DLGAP5: variants seen among roughly 807,000 people sequenced by gnomAD.
DLGAP5 encodes the protein disks large-associated protein 5.
In DLGAP5, 90 loss-of-function variants were observed where a neutral mutation model predicts 99.6. That is an observed-to-expected ratio of 0.90 (90% CI 0.76 to 1.08). The LOEUF is 1.08. Ranked by LOEUF, DLGAP5 falls within the 50% of genes least tolerant of loss-of-function variation. The probability of loss-of-function intolerance (pLI) is 0.00; values close to 1 mark genes in which losing one functional copy is unlikely to be tolerated. For synonymous variants in DLGAP5, 311 were observed against 321.3 expected, an observed-to-expected ratio of 0.97 and a Z score of 0.34; for missense variants, 1,036 against 983.5, an observed-to-expected ratio of 1.05 and a Z score of -0.71.
chr14:55,149,818 G>T (rs187256524), intron 18 of DLGAP5, among the ~76,000 whole-genome samples: 11 of 28,602 alleles, frequency 3.8e-4, no homozygotes, highest in East Asian at 1.7e-3. Context: ...ATCGGGGCGG[G>T]GGGGGGGCAT....
At chr14:55,151,300 T>C (rs546121173) in intron 17 of DLGAP5, among the ~76,000 whole-genome samples, 1 of 152,070 alleles carries the variant, frequency 6.6e-6, no homozygotes, top group Admixed American at 6.6e-5. Context: ...AAAAATAGGA[T>C]ATTTTGAAGA....
chr14:55,164,129 C>T (rs897259558), intron 12 of DLGAP5, among the ~76,000 whole-genome samples: 1 of 152,112 alleles, frequency 6.6e-6, no homozygotes, highest in African/African-American at 2.4e-5. Flanking sequence ...AGTCTCCATG[C>T]TATGCACTTA....
At chr14:55,154,913 T>C (rs1882154625) in intron 14 of DLGAP5, 107 bp from the exon 15 acceptor site, 3 of 943,890 alleles carry the variant, frequency 3.2e-6, no homozygotes, top group Non-Finnish European at 3.1e-6. Context: ...TCCTGTCAAA[T>C]AATGTCTGTT....
intron 15 of DLGAP5, among the ~76,000 whole-genome samples, chr14:55,153,842 G>A (rs1052060340): frequency 3.1e-4 from 47 of 152,104 alleles, no homozygotes; most frequent in African/African-American, 1.1e-3. Context: ...CAGATCATGA[G>A]GTCAAGAGAT....
chr14:55,186,592 GTTTA>G (rs909024411), intron 2 of DLGAP5, among the ~76,000 whole-genome samples: 15 of 101,394 alleles, frequency 1.5e-4, no homozygotes, highest in African/African-American at 1.0e-3. Context: ...AGCTGTATTT[GTTTA>G]TTTACTCATT....
chr14:55,159,608 G>GTA (rs1406583946), intron 13 of DLGAP5, among the ~76,000 whole-genome samples: 2 of 152,164 alleles, frequency 1.3e-5, no homozygotes, highest in East Asian at 3.8e-4. Context: ...TGGTGGGATG[G>GTA]TAACAGCATT....
chr14:55,176,224 A>T (rs1883057896), intron 8 of DLGAP5, among the ~76,000 whole-genome samples: 1 of 152,222 alleles, frequency 6.6e-6, no homozygotes, highest in Non-Finnish European at 1.5e-5. Flanking sequence ...AGATTCAAAG[A>T]TTTTGAAGAT....
chr14:55,171,015 A>G (rs1882840622), intron 10 of DLGAP5, among the ~76,000 whole-genome samples: 1 of 152,204 alleles, frequency 6.6e-6, no homozygotes, highest in African/African-American at 2.4e-5. Flanking sequence ...ATGTGGCTGG[A>G]TAATACCAAG....
chr14:55,154,591 C>T (rs1276239491), intron 15 of DLGAP5, 26 bp downstream of exon 15: 3 of 1,572,872 alleles, frequency 1.9e-6, no homozygotes, highest in Non-Finnish European at 2.6e-6. Context: ...AACTGTTAAA[C>T]TCTTATTAAC....
intron 18 of DLGAP5, among the ~76,000 whole-genome samples, chr14:55,149,562 T>C (rs1881937439): frequency 6.6e-6 from 1 of 152,220 alleles, no homozygotes; most frequent in African/African-American, 2.4e-5. Context: ...GGTTGTTTGA[T>C]CCTATACTTG....
intron 10 of DLGAP5, among the ~76,000 whole-genome samples, chr14:55,174,300 C>G (rs1271858209): frequency 1.3e-5 from 2 of 152,176 alleles, no homozygotes; most frequent in African/African-American, 4.8e-5. Context: ...ACTGGTTGAT[C>G]TCAAAACCCT....
intron 7 of DLGAP5, 59 bp from the exon 8 acceptor site, chr14:55,177,395 C>A: frequency 3.4e-6 from 5 of 1,455,184 alleles, no homozygotes; most frequent in Non-Finnish European, 3.7e-6. Context: ...TATATTCAAC[C>A]AATTTTTATA....
At chr14:55,175,545 A>G in intron 9 of DLGAP5, 73 bp from the exon 10 acceptor site, 1 of 938,656 alleles carries the variant, frequency 1.1e-6, no homozygotes, top group African/African-American at 1.7e-5. Flanking sequence ...CTAAAAAGAC[A>G]TTTTAAAAAT....
Position 55,148,201 on chromosome 14 carries a change from T to C in DLGAP5, c.*150A>G. 1.3e-6 allele frequency: 1 copy of C among 760,814 alleles called. No individual in the cohort carries two copies. The highest frequency in any genetic ancestry group is 2.0e-6 in the Non-Finnish European group (1 of 492,954). 47.1% of individuals were successfully genotyped at this position (760,814 alleles called of 1,614,324 possible). On this transcript the variant is annotated 3_prime_UTR_variant, in exon 19 of 19. Coordinates refer to ENST00000247191, the MANE Select transcript of DLGAP5 (RefSeq NM_014750.5). ...TCCCCACTTCCCTTGAGAAAGAGTA[T>C]ATCTAAAATACACTTTGATGAACAC...
At chr14:55,188,747 G>A (rs1488356652) in intron 2 of DLGAP5, among the ~76,000 whole-genome samples, 195 bp downstream of exon 2, 1 of 149,238 alleles carries the variant, frequency 6.7e-6, no homozygotes, top group Non-Finnish European at 1.5e-5. Context: ...CTCCCGCCTG[G>A]GTGACACAGT....
chr14:55,163,962 C>A (rs964428804), intron 12 of DLGAP5, among the ~76,000 whole-genome samples: 1 of 152,042 alleles, frequency 6.6e-6, no homozygotes, highest in Non-Finnish European at 1.5e-5. Flanking sequence ...AATATTTCTC[C>A]GAATCTGTGC....
intron 11 of DLGAP5, among the ~76,000 whole-genome samples, chr14:55,170,012 A>G (rs1376019949): frequency 6.6e-6 from 1 of 152,096 alleles, no homozygotes; most frequent in African/African-American, 2.4e-5. Flanking sequence ...GCAGGCACCT[A>G]TAATCCCAGC....
At chr14:55,178,354 G>T (rs1594680301) in intron 7 of DLGAP5, among the ~76,000 whole-genome samples, 1 of 152,172 alleles carries the variant, frequency 6.6e-6, no homozygotes, top group East Asian at 1.9e-4. Context: ...AATAACCTTA[G>T]ATTATAAATA....
intron 10 of DLGAP5, among the ~76,000 whole-genome samples, chr14:55,172,875 A>T (rs1056394755): frequency 1.4e-4 from 21 of 149,548 alleles, no homozygotes; most frequent in African/African-American, 4.9e-4. Context: ...CTGGCTACTC[A>T]GGAGGCTGAG....
Sources: gnomAD v4.1 joint callset for allele counts (sites outside exome capture counted in the v4.1 genomes callset) on GRCh38, gnomAD v4.1.1 for gene constraint, MANE v1.5 for transcripts, NCBI Gene and HGNC (gene_info 2026-07-23, HGNC 2026-07-21) for gene names.